The following SPAG16 variants were observed in gnomAD, a reference collection of about 807,000 sequenced individuals.
SPAG16 encodes sperm-associated antigen 16 protein.
Under a neutral mutation model 80.4 loss-of-function variants are expected in SPAG16, and 86 were observed. That is an observed-to-expected ratio of 1.07 (90% confidence interval 0.90 to 1.28). The LOEUF (loss-of-function observed/expected upper bound fraction) is 1.28, where lower values mean the gene tolerates loss of function less well. Ranked by LOEUF, SPAG16 falls within the 50% of genes most tolerant of loss-of-function variation. The pLI, the probability that SPAG16 is intolerant of heterozygous loss-of-function variation, is 0.00. For missense variants in SPAG16, 870 were observed against 765.3 expected (o/e 1.14, Z -1.61); for synonymous variants, 294 against 265.9 (o/e 1.11, Z -1.03).
chr2:214,212,903 A>G (rs946380942), intron 15 of SPAG16, among the ~76,000 whole-genome samples: 1 of 152,238 alleles, frequency 6.6e-6, no homozygotes, highest in African/African-American at 2.4e-5. Context: ...ACACTAGAAC[A>G]TGTAAGTCCA....
intron 10 of SPAG16, among the ~76,000 whole-genome samples, chr2:213,521,766 G>C (rs1243477970): frequency 2.6e-5 from 4 of 152,214 alleles, no homozygotes; most frequent in African/African-American, 9.6e-5. Context: ...GTTTGGAAAT[G>C]TGTCATTTTA....
chr2:213,800,175 G>T (rs766091043), intron 10 of SPAG16, among the ~76,000 whole-genome samples: 4 of 152,054 alleles, frequency 2.6e-5, no homozygotes, highest in Admixed American at 6.5e-5. Flanking sequence ...CAATATTACA[G>T]TCTCAGTTTA....
chr2:214,398,943 T>G (rs1341991326), intron 15 of SPAG16, among the ~76,000 whole-genome samples: 1 of 152,198 alleles, frequency 6.6e-6, no homozygotes, highest in Non-Finnish European at 1.5e-5. Flanking sequence ...TGCCTTTGCA[T>G]TTGATTGTAA....
intron 6 of SPAG16, among the ~76,000 whole-genome samples, chr2:213,343,597 T>G (rs1223914865): frequency 6.6e-6 from 1 of 152,190 alleles, no homozygotes; most frequent in South Asian, 2.1e-4. Flanking sequence ...TTACAACAGT[T>G]ATTATGAAAT....
chr2:213,537,944 G>A (rs1028972367), intron 10 of SPAG16, among the ~76,000 whole-genome samples: 1 of 152,022 alleles, frequency 6.6e-6, no homozygotes, highest in African/African-American at 2.4e-5. Context: ...AAGTATCAGT[G>A]GGGTTTATTC....
chr2:214,042,225 C>A (rs2049074076), intron 13 of SPAG16, among the ~76,000 whole-genome samples: 1 of 151,492 alleles, frequency 6.6e-6, no homozygotes, highest in African/African-American at 2.4e-5. Flanking sequence ...TCCCAAGTAG[C>A]TGGGATTACA....
intron 10 of SPAG16, among the ~76,000 whole-genome samples, chr2:213,550,332 T>C (rs1455533299): frequency 6.6e-6 from 1 of 152,072 alleles, no homozygotes; most frequent in Non-Finnish European, 1.5e-5. Context: ...TATTATAGTC[T>C]GACCATCTGA....
chr2:213,512,873 C>G (rs2075280076), intron 10 of SPAG16, among the ~76,000 whole-genome samples: 2 of 151,958 alleles, frequency 1.3e-5, no homozygotes, highest in Non-Finnish European at 2.9e-5. Flanking sequence ...TTATGGCACT[C>G]CCACCAAGAC....
At chr2:214,335,141 C>T (rs1430593620) in intron 15 of SPAG16, among the ~76,000 whole-genome samples, 1 of 152,100 alleles carries the variant, frequency 6.6e-6, no homozygotes, top group Non-Finnish European at 1.5e-5. Flanking sequence ...CATAACTGTT[C>T]CAGATCAAGA....
intron 12 of SPAG16, among the ~76,000 whole-genome samples, chr2:213,983,476 T>G (rs916332010): frequency 1.3e-5 from 2 of 151,986 alleles, no homozygotes; most frequent in African/African-American, 4.8e-5. Context: ...ATGTCATAAT[T>G]TATTATAACT....
chr2:213,516,469 C>A (rs535656218), intron 10 of SPAG16, among the ~76,000 whole-genome samples: 3 of 152,200 alleles, frequency 2.0e-5, no homozygotes, highest in African/African-American at 7.2e-5. Flanking sequence ...TTTCTTACTT[C>A]CTCTGGAAGG....
At chr2:214,130,243 A>C (rs563908605) in intron 14 of SPAG16, among the ~76,000 whole-genome samples, 1 of 152,278 alleles carries the variant, frequency 6.6e-6, no homozygotes, top group South Asian at 2.1e-4. Flanking sequence ...GCCACAGTTT[A>C]TCTTGACAAC....
At chr2:214,176,134 T>C (rs1189984743) in intron 15 of SPAG16, among the ~76,000 whole-genome samples, 2 of 151,480 alleles carry the variant, frequency 1.3e-5, no homozygotes, top group African/African-American at 4.8e-5. Context: ...ACAGGTTTAT[T>C]AAAGGCTTTT....
At chr2:213,379,002 CCTT>C (rs755880816) in intron 9 of SPAG16, among the ~76,000 whole-genome samples, 4 of 152,226 alleles carry the variant, frequency 2.6e-5, no homozygotes, top group Non-Finnish European at 5.9e-5. Flanking sequence ...ACTGTAACTC[CCTT>C]CTTAGCCTGT....
chr2:213,484,194 A>G (rs1004619913), intron 9 of SPAG16, among the ~76,000 whole-genome samples: 1 of 152,244 alleles, frequency 6.6e-6, no homozygotes. Flanking sequence ...TAGAAACTTT[A>G]AAGACTAATT....
At chr2:213,992,342 C>T (rs80163059) in intron 12 of SPAG16, among the ~76,000 whole-genome samples, 4,993 of 152,146 alleles carry the variant, frequency 0.033, 244 homozygotes, top group African/African-American at 0.11. Context: ...CATTTATGGT[C>T]GTCACAGCTA....
chr2:214,085,089 A>G (rs1209179024), intron 13 of SPAG16, among the ~76,000 whole-genome samples: 1 of 152,170 alleles, frequency 6.6e-6, no homozygotes, highest in Non-Finnish European at 1.5e-5. Context: ...AAAAATAGAG[A>G]AGGTAAGTCC....
chr2:213,623,410 C>T (rs1178733856), intron 10 of SPAG16, among the ~76,000 whole-genome samples: 1 of 152,052 alleles, frequency 6.6e-6, no homozygotes, highest in Non-Finnish European at 1.5e-5. Flanking sequence ...TTAGAGGAGT[C>T]TGGAAAATAT....
chr2:214,086,780 A>G (rs2051796265), intron 13 of SPAG16, among the ~76,000 whole-genome samples: 1 of 152,192 alleles, frequency 6.6e-6, no homozygotes, highest in Admixed American at 6.5e-5. Flanking sequence ...AGAAAGCATT[A>G]AAAACAAGCA....
Sources: allele counts gnomAD v4.1 joint callset (sites outside exome capture counted in the v4.1 genomes callset), GRCh38; gene constraint gnomAD v4.1.1; transcripts MANE v1.5; gene names NCBI Gene and HGNC (gene_info 2026-07-23, HGNC 2026-07-21).